Variants in BORCS8 observed in about 807,000 individuals in gnomAD.
The protein encoded by BORCS8 is BLOC-1-related complex subunit 8.
A neutral mutation model predicts 18.7 loss-of-function variants in BORCS8; 13 were observed. The ratio of observed to expected loss-of-function variants is 0.70; its 90% CI spans 0.45 to 1.11. The LOEUF is 1.11. BORCS8 is among the 50% of genes least tolerant of loss of function. The pLI, the probability that BORCS8 is intolerant of heterozygous loss-of-function variation, is 0.00. For missense variants in BORCS8, 165 were observed against 165.7 expected (o/e 1.00, Z 0.02); for synonymous variants, 68 against 64.8 (o/e 1.05, Z -0.24).
chr19:19,187,094 A>C, intron 1 of BORCS8, 89 bp from the exon 2 acceptor site: 1 of 998,852 alleles, frequency 1.0e-6, no homozygotes, highest in Non-Finnish European at 1.5e-6. Flanking sequence ...GCCAGAGCAA[A>C]GGGGGCATCT....
intron 3 of BORCS8, 151 bp downstream of exon 3, chr19:19,185,883 G>T: frequency 1.3e-6 from 1 of 742,714 alleles, no homozygotes; most frequent in Non-Finnish European, 2.2e-6. Flanking sequence ...TGGGGCCCTG[G>T]CCAAGTGAAT....
chr19:19,190,907 A>T (rs571793004), intron 1 of BORCS8, among the ~76,000 whole-genome samples: 1 of 152,294 alleles, frequency 6.6e-6, no homozygotes, highest in South Asian at 2.1e-4. Flanking sequence ...CCAACCGTGG[A>T]TGGAAAATAG....
intron 1 of BORCS8, among the ~76,000 whole-genome samples, chr19:19,189,319 T>C (rs2060443237): frequency 6.6e-6 from 1 of 152,188 alleles, no homozygotes; most frequent in Non-Finnish European, 1.5e-5. Context: ...GGCCATCTCC[T>C]GCCTGGATGC....
Position 19,182,489 on chromosome 19 carries a change from C to T in BORCS8, c.326+84G>A, listed in dbSNP as rs957528297. ...AGGAAAGAGACAGTTTTCTAATAAG[C>T]GAGAAGCAGCGGTTCCCAGCGCAGC... On this transcript the variant is annotated intron_variant, in intron 4 of 5. Coordinates refer to ENST00000462790, the MANE Select transcript of BORCS8 (RefSeq NM_001145784.2). The surrounding 1 kb of genome is among the most constrained non-coding windows in gnomAD (Gnocchi z 4.1). 18 of 1,488,784 alleles carry T rather than the reference C, an allele frequency of 1.2e-5. No individual in the cohort carries two copies. The highest frequency in any genetic ancestry group is 5.0e-5 in the East Asian group (2 of 40,212). The allele number at this position is 1,488,784 out of a possible 1,614,324, so 92.2% of individuals were successfully genotyped here.
intron 1 of BORCS8, among the ~76,000 whole-genome samples, chr19:19,189,724 T>C (rs1452860134): frequency 2.0e-5 from 3 of 152,128 alleles, no homozygotes; most frequent in Non-Finnish European, 4.4e-5. Context: ...AAGACCAGCC[T>C]GGGAGACATG....
Position 19,187,002 on chromosome 19 carries a change from G to GT in BORCS8, c.40dup (p.Thr14AsnfsTer6), listed in dbSNP as rs1023965763. 1.9e-6 allele frequency: 3 copies of GT among 1,550,044 alleles called. No individual in the cohort carries two copies. The highest frequency in any genetic ancestry group is 1.4e-5 in the African/African-American group (1 of 73,038). ...GTAGACGCTCTCAGTGAACTTGTCC[G>GT]TGACTAGATACAGGTGGTAGGGATG... On this transcript the variant is annotated frameshift_variant, in exon 2 of 6. Coordinates refer to ENST00000462790, the MANE Select transcript of BORCS8 (RefSeq NM_001145784.2). LOFTEE classifies it high-confidence loss of function.
Position 19,177,261 on chromosome 19 carries a change from G to A in BORCS8, c.*242C>T, listed in dbSNP as rs1218814335. ...GCTGCTTGAGGCAGAATGCAGGTTG[G>A]GAGGGTAGATCTGCGAATGTCCAAC... On this transcript the variant is annotated 3_prime_UTR_variant, in exon 6 of 6. Transcript: ENST00000462790. 6.6e-6 allele frequency: 1 copy of A among 152,182 alleles called. No homozygotes were observed. Among genetic ancestry groups the A allele is most frequent in the Non-Finnish European group, 1.5e-5 (1 of 68,090 alleles). The allele number at this position is 152,182 out of a possible 1,614,324, so 9.4% of individuals were successfully genotyped here.
intron 1 of BORCS8, among the ~76,000 whole-genome samples, chr19:19,191,717 C>T (rs1439376737): frequency 6.6e-6 from 1 of 151,966 alleles, no homozygotes; most frequent in African/African-American, 2.4e-5. Context: ...GTAGCTGGGA[C>T]CACAGGCGTG....
At chr19:19,181,230 TG>T (rs2060346489) in intron 4 of BORCS8, among the ~76,000 whole-genome samples, 1 of 148,426 alleles carries the variant, frequency 6.7e-6, no homozygotes, top group South Asian at 2.1e-4. Flanking sequence ...CTGGGCCCAG[TG>T]GGTCACACCT....
chr19:19,186,667 C>T (rs1466562882), intron 2 of BORCS8, among the ~76,000 whole-genome samples: 2 of 152,258 alleles, frequency 1.3e-5, no homozygotes, highest in Non-Finnish European at 2.9e-5. Flanking sequence ...CCCTGTTGAA[C>T]TGTGAGTCAA....
At position 19,180,679 on chromosome 19, in the gene BORCS8, C is replaced by A; in HGVS notation, c.*42+7G>T. Reference sequence around the variant, plus strand: ...GAGAGAGGCTCGTGGCTACCCTCGGCACTGACCTGGGTTGGCGGAGGCTGG... The same window carrying A: ...GAGAGAGGCTCGTGGCTACCCTCGGAACTGACCTGGGTTGGCGGAGGCTGG... On this transcript the variant is annotated splice_region_variant and intron_variant, in intron 5 of 5. Coordinates refer to ENST00000462790, the MANE Select transcript of BORCS8 (RefSeq NM_001145784.2). 6.5e-7 allele frequency: 1 copy of A among 1,533,722 alleles called. No homozygotes were observed. The highest frequency in any genetic ancestry group is 8.8e-7 in the Non-Finnish European group (1 of 1,132,582).
chr19:19,182,819 G>T lies in BORCS8; in HGVS notation c.216-136C>A. On this transcript the variant is annotated intron_variant, in intron 3 of 5. Coordinates refer to ENST00000462790, the MANE Select transcript of BORCS8 (RefSeq NM_001145784.2). This position sits in a 1 kb window ranked among gnomAD's most constrained non-coding sequence, Gnocchi z 4.1. ...GGGCTTCCCGAAGGACTCACAGTGG[G>T]CTTACATTTTAGATTTCCCTGCTAT... 1 of 1,181,058 alleles carries T rather than the reference G, an allele frequency of 8.5e-7. No homozygotes were observed. The highest frequency in any genetic ancestry group is 1.1e-6 in the Non-Finnish European group (1 of 870,160). 73.2% of individuals were successfully genotyped at this position (1,181,058 alleles called of 1,614,324 possible).
chr19:19,180,896 T>A, intron 4 of BORCS8, 135 bp from the exon 5 acceptor site: 1 of 945,968 alleles, frequency 1.1e-6, no homozygotes, highest in Non-Finnish European at 1.6e-6. Context: ...GCATCCTGCT[T>A]AAAAGTGGGA....
intron 1 of BORCS8, among the ~76,000 whole-genome samples, chr19:19,188,771 G>C (rs553649473): frequency 1.3e-5 from 2 of 152,170 alleles, no homozygotes; most frequent in South Asian, 4.2e-4. Flanking sequence ...CCCTCGCTCA[G>C]CCTCCTCACC....
intron 3 of BORCS8, among the ~76,000 whole-genome samples, chr19:19,184,225 C>T (rs953024269): frequency 5.3e-5 from 8 of 150,034 alleles, no homozygotes; most frequent in Non-Finnish European, 8.9e-5. Context: ...CCACCCATGG[C>T]GTAGGTTCCT....
At chr19:19,188,871 G>A (rs533276787) in intron 1 of BORCS8, among the ~76,000 whole-genome samples, 1 of 151,834 alleles carries the variant, frequency 6.6e-6, no homozygotes, top group Non-Finnish European at 1.5e-5. Flanking sequence ...GTCTTGCTCT[G>A]TTGTCCAGGC....
In BORCS8 at chr19:19,180,672, C is replaced by T; in HGVS notation, c.*42+14G>A. ...GAGCAGAGAGAGAGGCTCGTGGCTA[C>T]CCTCGGCACTGACCTGGGTTGGCGG... On this transcript the variant is annotated intron_variant, in intron 5 of 5. Transcript: ENST00000462790. 1.3e-6 allele frequency: 2 copies of T among 1,516,666 alleles called. No homozygotes were observed. The highest frequency in any genetic ancestry group is 1.8e-6 in the Non-Finnish European group (2 of 1,117,338). The allele number at this position is 1,516,666 out of a possible 1,614,324, so 94.0% of individuals were successfully genotyped here.
intron 5 of BORCS8, chr19:19,179,039 C>G (rs2060326679): frequency 6.6e-6 from 1 of 152,278 alleles, no homozygotes; most frequent in Non-Finnish European, 1.5e-5. Flanking sequence ...GCGAGGAACT[C>G]TGCAGGGACA....
intron 1 of BORCS8, among the ~76,000 whole-genome samples, chr19:19,189,233 G>A (rs1568569400): frequency 6.6e-6 from 1 of 152,072 alleles, no homozygotes; most frequent in East Asian, 1.9e-4. Context: ...CCATTCTTGG[G>A]CAGATCCTGA....
Sources: allele counts gnomAD v4.1 joint callset (sites outside exome capture counted in the v4.1 genomes callset), GRCh38; gene constraint gnomAD v4.1.1; non-coding constraint Gnocchi (gnomAD v3.1); transcripts MANE v1.5; gene names NCBI Gene and HGNC (gene_info 2026-07-23, HGNC 2026-07-21).